Variants in CSMD1 observed in about 807,000 individuals in gnomAD.
CSMD1 encodes CUB and Sushi multiple domains 1, also known as CUB and sushi domain-containing protein 1.
A neutral mutation model predicts 417.5 loss-of-function variants in CSMD1; 213 were observed. That is an observed-to-expected ratio of 0.51 (90% CI 0.46 to 0.57). The LOEUF is 0.57. Ranked by LOEUF, CSMD1 falls within the 20% of genes least tolerant of loss-of-function variation. CSMD1 has a pLI of 0.00. For missense variants in CSMD1, 6,923 were observed against 4,529.7 expected, an observed-to-expected ratio of 1.53 and a Z score of -15.17; for synonymous variants, 2,862 against 1,736.8, an observed-to-expected ratio of 1.65 and a Z score of -16.11.
At chr8:3,808,868 G>C (rs537478139) in intron 5 of CSMD1, among the ~76,000 whole-genome samples, 1 of 152,174 alleles carries the variant, frequency 6.6e-6, no homozygotes, top group South Asian at 2.1e-4. Flanking sequence ...AGGTCTCAAT[G>C]AGAATTCTGA....
At chr8:3,199,687 T>TGTGGAGACATGTGGAGTGACGC in intron 33 of CSMD1, 27 bp downstream of exon 33, 1 of 1,491,412 alleles carries the variant, frequency 6.7e-7, no homozygotes. Flanking sequence ...CACAGTGACA[T>TGTGGAGACATGTGGAGTGACGC]GTGGAGACAT....
intron 2 of CSMD1, among the ~76,000 whole-genome samples, chr8:4,556,597 T>C (rs985415512): frequency 3.9e-5 from 6 of 152,198 alleles, no homozygotes; most frequent in African/African-American, 1.4e-4. Flanking sequence ...AAACGAATAG[T>C]ATATGGTAAA....
In CSMD1 at chr8:3,987,247, T is replaced by C. The variant is rs77324894; in HGVS notation, c.818+10656A>G. On this transcript the variant is annotated intron_variant, in intron 5 of 69. Coordinates refer to ENST00000635120, the MANE Select transcript of CSMD1 (RefSeq NM_033225.6). The stretch of plus-strand genomic sequence containing the variant: ...ACTCTTCCTGTGAACATGCTTCCCA[T>C]GCTCAAAGGCTACACACAGCCCAGT... Among the ~76,000 whole-genome samples, 1,099 of 152,308 alleles carry C rather than the reference T, an allele frequency of 7.2e-3. 70 individuals carry two copies. In the East Asian group the frequency reaches 0.15, roughly 21 times the overall value.
intron 50 of CSMD1, among the ~76,000 whole-genome samples, chr8:3,046,493 G>A (rs749925130): frequency 5.9e-5 from 9 of 152,050 alleles, no homozygotes; most frequent in African/African-American, 9.7e-5. Flanking sequence ...CTAACAGTGC[G>A]CTCAAATCAT....
At chr8:3,714,604 G>A (rs1801723211) in intron 6 of CSMD1, among the ~76,000 whole-genome samples, 1 of 135,816 alleles carries the variant, frequency 7.4e-6, no homozygotes, top group South Asian at 2.4e-4. Context: ...AGGCATGGTG[G>A]CGGGCGACTG....
At chr8:3,991,059 C>G (rs1168104495) in intron 5 of CSMD1, among the ~76,000 whole-genome samples, 1 of 152,212 alleles carries the variant, frequency 6.6e-6, no homozygotes, top group Non-Finnish European at 1.5e-5. Context: ...GCTGCAGCAT[C>G]TTTCCCAGAA....
intron 10 of CSMD1, among the ~76,000 whole-genome samples, chr8:3,574,207 C>T (rs954059659): frequency 2.0e-5 from 3 of 152,286 alleles, no homozygotes; most frequent in Non-Finnish European, 4.4e-5. Flanking sequence ...AGAAGAAACA[C>T]ATGAACTGTA....
At chr8:4,237,952 G>A (rs182969185) in intron 3 of CSMD1, among the ~76,000 whole-genome samples, 2 of 152,288 alleles carry the variant, frequency 1.3e-5, no homozygotes, top group East Asian at 3.9e-4. Context: ...GAGTCTCCAG[G>A]AGTTGTCTCC....
At chr8:3,626,596 A>T (rs1455461574) in intron 7 of CSMD1, among the ~76,000 whole-genome samples, 1 of 151,684 alleles carries the variant, frequency 6.6e-6, no homozygotes, top group African/African-American at 2.4e-5. Context: ...TTAGAAAACC[A>T]TGAGATATGA....
intron 54 of CSMD1, among the ~76,000 whole-genome samples, chr8:2,980,804 A>G (rs1399478338): frequency 6.6e-6 from 1 of 152,334 alleles, no homozygotes; most frequent in African/African-American, 2.4e-5. Flanking sequence ...ACATTGCATT[A>G]GAATTGCTTG....
chr8:4,490,365 G>T (rs941792522), intron 2 of CSMD1, among the ~76,000 whole-genome samples: 1 of 152,076 alleles, frequency 6.6e-6, no homozygotes, highest in African/African-American at 2.4e-5. Context: ...TGCAACCATT[G>T]CTTAATGTCC....
At chr8:4,037,119 T>C (rs896415005) in intron 3 of CSMD1, among the ~76,000 whole-genome samples, 2 of 152,214 alleles carry the variant, frequency 1.3e-5, no homozygotes, top group African/African-American at 4.8e-5. Flanking sequence ...TTTTACTTGT[T>C]TTTATTAATC....
intron 3 of CSMD1, among the ~76,000 whole-genome samples, chr8:4,361,557 T>G (rs1019781959): frequency 2.6e-5 from 4 of 152,194 alleles, no homozygotes; most frequent in African/African-American, 9.6e-5. Flanking sequence ...TAAAAAGTCG[T>G]AGAGTTCAAG....
chr8:3,333,819 C>G (rs955733947), intron 23 of CSMD1, among the ~76,000 whole-genome samples: 1 of 152,206 alleles, frequency 6.6e-6, no homozygotes, highest in South Asian at 2.1e-4. Context: ...GCAGTGAATG[C>G]TATTCTTTGA....
chr8:3,933,573 A>G (rs1297167061), intron 5 of CSMD1, among the ~76,000 whole-genome samples: 2 of 152,168 alleles, frequency 1.3e-5, no homozygotes, highest in East Asian at 1.9e-4. Context: ...GGATACATTG[A>G]GAAAATATAG....
intron 26 of CSMD1, among the ~76,000 whole-genome samples, chr8:3,263,154 A>C (rs1345248773): frequency 1.3e-5 from 2 of 152,210 alleles, no homozygotes; most frequent in Non-Finnish European, 2.9e-5. Context: ...GCTGGAGTGC[A>C]GTGGCATGAT....
At chr8:3,859,548 A>G (rs2129104932) in intron 5 of CSMD1, among the ~76,000 whole-genome samples, 1 of 152,288 alleles carries the variant, frequency 6.6e-6, no homozygotes, top group African/African-American at 2.4e-5. Flanking sequence ...GGCGAGGCTA[A>G]CTACATCTAA....
intron 10 of CSMD1, among the ~76,000 whole-genome samples, chr8:3,517,591 T>C (rs1797334586): frequency 6.6e-6 from 1 of 152,156 alleles, no homozygotes; most frequent in African/African-American, 2.4e-5. Context: ...CAATACCAAA[T>C]ACAGGCTGAG....
chr8:3,512,540 T>C (rs200755660), intron 10 of CSMD1, among the ~76,000 whole-genome samples: 8 of 107,958 alleles, frequency 7.4e-5, no homozygotes, highest in African/African-American at 2.3e-4. Context: ...GGCTGGTGGG[T>C]GAGTCCACAG....
Sources: gnomAD v4.1 joint callset for allele counts (sites outside exome capture counted in the v4.1 genomes callset) on GRCh38, gnomAD v4.1.1 for gene constraint, MANE v1.5 for transcripts, NCBI Gene and HGNC (gene_info 2026-07-23, HGNC 2026-07-21) for gene names.